The following COX18 variants were observed in gnomAD, a reference collection of about 807,000 sequenced individuals.
The protein encoded by COX18 is cytochrome c oxidase assembly factor COX18, also known as cytochrome c oxidase assembly protein COX18, mitochondrial.
A neutral mutation model predicts 38.0 loss-of-function variants in COX18; 45 were observed. The observed-to-expected ratio is 1.18, with a 90% CI of 0.93 to 1.52. COX18 has a LOEUF of 1.52. Among genes scored for constraint, COX18 ranks in the 40% most tolerant of loss-of-function variants. The pLI is 0.00. For missense variants in COX18, 462 were observed against 423.8 expected (o/e 1.09, Z -0.79); for synonymous variants, 177 against 169.8 (o/e 1.04, Z -0.33).
rs1560468980 is a variant in COX18, at chr4:73,058,179, C to A, written c.940G>T (p.Asp314Tyr). 1.2e-6 allele frequency: 2 copies of A among 1,613,426 alleles called. No homozygotes were observed. Among genetic ancestry groups the A allele is most frequent in the South Asian group, 2.2e-5 (2 of 90,910 alleles). ...ATGTCTTTATAAGGAGTTTCTGAATCTGACTTGGTCGATGGTATTCGGCAA... is the reference window on the plus strand; with the variant it reads ...ATGTCTTTATAAGGAGTTTCTGAATATGACTTGGTCGATGGTATTCGGCAA... ...QLCRIPSTKS[D>Y]SETPYKDIFA... Residue 314 changes from aspartate (D) to tyrosine (Y), a missense_variant, in exon 6 of 6, where the codon GAT (aspartate) becomes TAT (tyrosine). Coordinates refer to ENST00000507544, the MANE Select transcript of COX18 (RefSeq NM_001297732.2).
In COX18 at chr4:73,058,088, C is replaced by T; in HGVS notation, c.*26G>A. ...ATTTAGATGATAGTGACTCCTGCAA[C>T]TGTTTCAAAATTATTGGAAAATATG... On this transcript the variant is annotated 3_prime_UTR_variant, in exon 6 of 6. Coordinates refer to ENST00000507544, the MANE Select transcript of COX18 (RefSeq NM_001297732.2). The T allele has an allele frequency of 2.7e-6, 4 of 1,490,292 alleles. No individual in the cohort carries two copies. The highest frequency in any genetic ancestry group is 3.7e-6 in the Non-Finnish European group (4 of 1,085,032). 92.3% of individuals were successfully genotyped at this position (1,490,292 alleles called of 1,614,324 possible).
chr4:73,068,012 G>A lies in COX18; in HGVS notation c.434+17C>T, dbSNP rs539291774. 12 of 1,511,212 alleles carry A rather than the reference G, an allele frequency of 7.9e-6. No homozygotes were observed. The South Asian group carries it at 1.3e-4, about 17-fold the overall frequency. The allele number at this position is 1,511,212 out of a possible 1,614,324, so 93.6% of individuals were successfully genotyped here. ...TGTATGTGTGCGTATGGTCTTACGT[G>A]GATATAATTAGCTTACCTGGCATCT... On this transcript the variant is annotated intron_variant, in intron 2 of 5. Transcript: ENST00000507544.
chr4:73,069,559 T>C lies in COX18; in HGVS notation c.91A>G (p.Ser31Gly), dbSNP rs758062385. 3.2e-6 allele frequency: 5 copies of C among 1,569,756 alleles called. No homozygotes were observed. In the South Asian group the frequency reaches 5.8e-5, roughly 18 times the overall value. ...GGGAGAGTGGGGCGCTTGGCGCCGC[T>C]CGTAGGAACCGGCGCAAGCGGCAGG... is the stretch of plus-strand genomic sequence containing the variant. ...RDLPLAPVPT[S>G]GAKRPTLPVW... The change falls in exon 1 of 6, where the codon AGC (serine) becomes GGC (glycine). Residue 31 changes from serine (S) to glycine (G), a missense_variant. Physicochemically the swap from Ser to Gly is moderately conservative, Grantham distance 56 (BLOSUM62 0). Transcript: ENST00000507544.
intron 5 of COX18, among the ~76,000 whole-genome samples, chr4:73,059,610 GTTACTTAACT>G (rs1048637195): frequency 6.6e-6 from 1 of 152,176 alleles, no homozygotes. Flanking sequence ...CCTTGGATGA[GTTACTTAACT>G]TCTCTGTGCC....
rs914754667 is a variant in COX18, at chr4:73,052,838, A to G, written c.*5276T>C. 6.6e-6 allele frequency: 1 copy of G among 152,156 alleles called. No individual in the cohort carries two copies. Among genetic ancestry groups the G allele is most frequent in the Admixed American group, 6.5e-5 (1 of 15,270 alleles). The allele number at this position is 152,156 out of a possible 1,614,324, so 9.4% of individuals were successfully genotyped here. ...GTAGCTGCAGTTAACACCCCAGAGG[A>G]AAAAATAAACTACATTCTTTAATTT... is the stretch of plus-strand genomic sequence containing the variant. On this transcript the variant is annotated 3_prime_UTR_variant, in exon 6 of 6. Transcript: ENST00000507544.
At chr4:73,069,225 C>T in intron 1 of COX18, 92 bp downstream of exon 1, 2 of 935,700 alleles carry the variant, frequency 2.1e-6, no homozygotes, top group Non-Finnish European at 3.1e-6. Context: ...CAGAAGGCAA[C>T]ATCGTGCGAT....
At chr4:73,064,661 T>G in intron 4 of COX18, 117 bp downstream of exon 4, 1 of 1,180,774 alleles carries the variant, frequency 8.5e-7, no homozygotes, top group Non-Finnish European at 1.2e-6. Context: ...AACCAAGGGA[T>G]CTCACTTCTA....
chr4:73,058,332 G>A (rs377399219), intron 5 of COX18, 45 bp from the exon 6 acceptor site: 78 of 1,373,962 alleles, frequency 5.7e-5, no homozygotes, highest in Non-Finnish European at 7.1e-5. Context: ...ATTCTACAAG[G>A]ACATCACAGT....
chr4:73,066,075 TATC>T (rs1720432773), intron 2 of COX18, among the ~76,000 whole-genome samples: 1 of 152,356 alleles, frequency 6.6e-6, no homozygotes, highest in Admixed American at 6.5e-5. Context: ...AAATCTCCTG[TATC>T]ATATATTTTG....
intron 5 of COX18, among the ~76,000 whole-genome samples, chr4:73,059,421 T>C (rs1221395730): frequency 1.3e-5 from 2 of 152,218 alleles, no homozygotes; most frequent in South Asian, 4.1e-4. Context: ...AGATAATTCA[T>C]GTAGAGTGGT....
intron 2 of COX18, among the ~76,000 whole-genome samples, 188 bp downstream of exon 2, chr4:73,067,841 C>CAAAA (rs1553907450): frequency 0.045 from 89 of 1,992 alleles, 29 homozygotes; most frequent in South Asian, 0.25. Context: ...AACTCCGTCT[C>CAAAA]AAAAAAAAAA....
At position 73,069,235 on chromosome 4, in the gene COX18, T is replaced by C. The variant is rs1227707426; in HGVS notation, c.333+82A>G. ...CACTGCAGAAGGCAACATCGTGCGA[T>C]CGAAAACCCTGAGTGAATGTCGGCC... On this transcript the variant is annotated intron_variant, in intron 1 of 5. Transcript: ENST00000507544. 3.8e-6 allele frequency: 4 copies of C among 1,047,426 alleles called. No individual in the cohort carries two copies. In the African/African-American group the frequency reaches 4.8e-5, roughly 13 times the overall value. 64.9% of individuals were successfully genotyped at this position (1,047,426 alleles called of 1,614,324 possible). A position where few individuals can be genotyped will look rare whatever the true frequency, so the allele number is the denominator to read the frequency against.
In COX18 at chr4:73,054,662, A is replaced by C. The variant is rs1719825622; in HGVS notation, c.*3452T>G. The C allele has an allele frequency of 6.6e-6, 1 of 152,254 alleles. No individual in the cohort carries two copies. The highest frequency in any genetic ancestry group is 2.4e-5 in the African/African-American group (1 of 41,460). The allele number at this position is 152,254 out of a possible 1,614,324, so 9.4% of individuals were successfully genotyped here. On this transcript the variant is annotated 3_prime_UTR_variant, in exon 6 of 6. Transcript: ENST00000507544. Reference sequence around the variant, plus strand: ...TACATTTGTAAAGATACAAATATACATTTTGAAATCAAGGGGACTCACAGT... The same window carrying C: ...TACATTTGTAAAGATACAAATATACCTTTTGAAATCAAGGGGACTCACAGT...
intron 5 of COX18, among the ~76,000 whole-genome samples, chr4:73,059,762 T>C (rs1005244671): frequency 2.0e-5 from 3 of 152,188 alleles, no homozygotes; most frequent in East Asian, 3.9e-4. Flanking sequence ...TAAATAAATA[T>C]TGGCTATCAT....
Position 73,056,022 on chromosome 4 carries a change from T to C in COX18, c.*2092A>G, listed in dbSNP as rs1719876493. 1 of 152,196 alleles carries C rather than the reference T, an allele frequency of 6.6e-6. No homozygotes were observed. The highest frequency in any genetic ancestry group is 1.5e-5 in the Non-Finnish European group (1 of 68,026). 9.4% of individuals were successfully genotyped at this position (152,196 alleles called of 1,614,324 possible). A position where few individuals can be genotyped will look rare whatever the true frequency, so the allele number is the denominator to read the frequency against. ...ACATTTTTTCTATTAAAAAATGTCATAACTTCATTAAGCAGGTGAACTAAA... is the reference window on the plus strand; with the variant it reads ...ACATTTTTTCTATTAAAAAATGTCACAACTTCATTAAGCAGGTGAACTAAA... On this transcript the variant is annotated 3_prime_UTR_variant, in exon 6 of 6. Transcript: ENST00000507544.
At chr4:73,068,217 T>C (rs1320533739) in intron 1 of COX18, 88 bp from the exon 2 acceptor site, 2 of 790,266 alleles carry the variant, frequency 2.5e-6, no homozygotes, top group Non-Finnish European at 4.0e-6. Flanking sequence ...CCTCGAGTCA[T>C]TTAAAAATGT....
At position 73,068,075 on chromosome 4, in the gene COX18, C is replaced by T; in HGVS notation, c.388G>A (p.Val130Ile). ...CCCAACTGATTTGCACGAACTGCAA[C>T]TTCTTGGTTAAGATGCCTGGCAATA... ...KTIARHLNQE[V>I]AVRANQLGWS... is the part of the protein sequence containing the mutation. The change falls in exon 2 of 6, where the codon GTT becomes ATT. Residue 130 changes from valine to isoleucine, a missense_variant. Coordinates refer to ENST00000507544, the MANE Select transcript of COX18 (RefSeq NM_001297732.2). 6.2e-7 allele frequency: 1 copy of T among 1,605,710 alleles called. No individual in the cohort carries two copies. Among genetic ancestry groups the T allele is most frequent in the African/African-American group, 1.3e-5 (1 of 74,392 alleles).
intron 5 of COX18, among the ~76,000 whole-genome samples, chr4:73,061,116 CA>C (rs916116413): frequency 5.9e-5 from 9 of 152,090 alleles, no homozygotes; most frequent in African/African-American, 2.2e-4. Flanking sequence ...TAGGTATATA[CA>C]GGGACAAGTT....
intron 2 of COX18, among the ~76,000 whole-genome samples, chr4:73,065,617 C>T (rs1720413223): frequency 6.6e-6 from 1 of 152,048 alleles, no homozygotes; most frequent in Non-Finnish European, 1.5e-5. Context: ...GTATGGTACA[C>T]AAGTTACATA....
Sources: allele counts gnomAD v4.1 joint callset (sites outside exome capture counted in the v4.1 genomes callset), GRCh38; gene constraint gnomAD v4.1.1; transcripts MANE v1.5; gene names NCBI Gene and HGNC (gene_info 2026-07-23, HGNC 2026-07-21).